DOCK9: variants seen among roughly 807,000 people sequenced by gnomAD.
The protein encoded by DOCK9 is dedicator of cytokinesis protein 9.
DOCK9 carries 89 observed loss-of-function variants against 263.3 expected under a neutral mutation model. That is an observed-to-expected ratio of 0.34 (90% CI 0.28 to 0.40). The LOEUF is 0.40. DOCK9 is among the 10% of genes least tolerant of loss of function. The pLI is 1.00. For missense variants in DOCK9, 2,140 were observed against 2,603.4 expected, an observed-to-expected ratio of 0.82 and a Z score of 3.87; for synonymous variants, 976 against 973.1, an observed-to-expected ratio of 1.00 and a Z score of -0.06.
intron 1 of DOCK9, among the ~76,000 whole-genome samples, chr13:99,041,719 T>C (rs1225363481): frequency 6.6e-6 from 1 of 152,212 alleles, no homozygotes; most frequent in Non-Finnish European, 1.5e-5. Context: ...TTTGCAGATA[T>C]AATGAAGGAT....
chr13:98,933,209 C>A (rs1356025767), intron 2 of DOCK9, among the ~76,000 whole-genome samples: 1 of 152,098 alleles, frequency 6.6e-6, no homozygotes, highest in African/African-American at 2.4e-5. Context: ...TTCATCCTAA[C>A]ATTAAGAAGA....
At chr13:99,039,119 AT>A (rs1888222611) in intron 1 of DOCK9, among the ~76,000 whole-genome samples, 1 of 152,228 alleles carries the variant, frequency 6.6e-6, no homozygotes, top group African/African-American at 2.4e-5. Flanking sequence ...TCTTTTACAG[AT>A]TAATTTTTTA....
At chr13:98,898,954 T>G (rs1430640675) in intron 13 of DOCK9, among the ~76,000 whole-genome samples, 4 of 152,206 alleles carry the variant, frequency 2.6e-5, no homozygotes, top group African/African-American at 9.6e-5. Context: ...AGATAATGCT[T>G]AATTTTTCCA....
chr13:99,053,297 A>C (rs2040785469), intron 1 of DOCK9, among the ~76,000 whole-genome samples: 1 of 152,236 alleles, frequency 6.6e-6, no homozygotes, highest in Non-Finnish European at 1.5e-5. Flanking sequence ...GAGAGCAAAG[A>C]AGATAAATTT....
At chr13:98,991,190 G>C (rs1311020788) in intron 1 of DOCK9, among the ~76,000 whole-genome samples, 1 of 151,858 alleles carries the variant, frequency 6.6e-6, no homozygotes, top group Non-Finnish European at 1.5e-5. Context: ...CTTTGCCTCA[G>C]CCTCCCCAGT....
intron 2 of DOCK9, among the ~76,000 whole-genome samples, chr13:98,938,506 T>C (rs547643321): frequency 1.3e-5 from 2 of 152,254 alleles, no homozygotes; most frequent in South Asian, 2.1e-4. Context: ...AACTAAAACA[T>C]AAAAGGCATC....
At chr13:98,887,143 ATTTTTTTTTTTTT>A (rs58434344) in intron 18 of DOCK9, among the ~76,000 whole-genome samples, 47,140 of 96,654 alleles carry the variant, frequency 0.49, 10,328 homozygotes, top group Non-Finnish European at 0.51. Flanking sequence ...ATATATATAT[ATTTTTTTTTTTTT>A]TTTTTTTTTT....
chr13:98,857,332 A>C (rs1394345570), intron 33 of DOCK9: 2 of 152,256 alleles, frequency 1.3e-5, no homozygotes, highest in African/African-American at 4.8e-5. Flanking sequence ...TTAAAAAATA[A>C]ATAAACAACA....
chr13:99,084,154 G>A (rs1427313853), intron 1 of DOCK9, among the ~76,000 whole-genome samples: 1 of 152,164 alleles, frequency 6.6e-6, no homozygotes, highest in Non-Finnish European at 1.5e-5. Flanking sequence ...AGGTGCACCT[G>A]CTGTGGCTCC....
intron 25 of DOCK9, among the ~76,000 whole-genome samples, chr13:98,881,157 C>A (rs921322506): frequency 2.6e-5 from 4 of 151,878 alleles, no homozygotes; most frequent in African/African-American, 9.7e-5. Flanking sequence ...ACAGAGTCAT[C>A]TAATTTGACT....
chr13:98,867,626 A>G (rs2094067894), intron 29 of DOCK9, 90 bp from the exon 30 acceptor site: 1 of 859,120 alleles, frequency 1.2e-6, no homozygotes. Flanking sequence ...TGCTAGAAAT[A>G]GTCATTAGCT....
rs997793288 is a variant in DOCK9 at position 98,965,968 on chromosome 13, T to C, written c.127-10417A>G. 1.8e-4 allele frequency among the ~76,000 whole-genome samples: 27 copies of C among 152,318 alleles called. No homozygotes were observed. In the South Asian group the frequency reaches 2.1e-3, roughly 12 times the overall value. The stretch of plus-strand genomic sequence containing the variant: ...CAGATTTGACAAATCTGACAAAATC[T>C]GATTTTGTCAAATCAATAGCACCTG... On this transcript the variant is annotated intron_variant, in intron 1 of 52. Coordinates refer to ENST00000682017, the MANE Select transcript of DOCK9 (RefSeq NM_001366683.2).
intron 1 of DOCK9, among the ~76,000 whole-genome samples, chr13:99,041,129 G>T (rs1241683202): frequency 6.6e-6 from 1 of 152,114 alleles, no homozygotes; most frequent in Non-Finnish European, 1.5e-5. Flanking sequence ...ACAGTGGGTA[G>T]AAATAAGACA....
In DOCK9 at chr13:98,831,492, A is replaced by G; in HGVS notation, c.4491T>C (p.Cys1497=). ...TGAGAATCTCGTAACACAGAGCCGC[A>G]CACATGTCCGCTCTCCCTTCATAGA... ...STFYEGRADM[C]AALCYEILKC... is the part of the protein sequence containing the mutation. The change falls in exon 41 of 53, where the codon TGT becomes TGC. Residue 1497 remains cysteine (C), a synonymous_variant. Coordinates refer to ENST00000682017, the MANE Select transcript of DOCK9 (RefSeq NM_001366683.2). 6.3e-7 allele frequency: 1 copy of G among 1,590,694 alleles called. No individual in the cohort carries two copies. The highest frequency in any genetic ancestry group is 8.6e-7 in the Non-Finnish European group (1 of 1,168,046).
chr13:98,880,493 G>C, intron 26 of DOCK9, 54 bp downstream of exon 26: 2 of 1,610,566 alleles, frequency 1.2e-6, no homozygotes, highest in Non-Finnish European at 1.7e-6. Flanking sequence ...AGGCTGTGGA[G>C]TGAATTCCTG....
intron 1 of DOCK9, among the ~76,000 whole-genome samples, chr13:98,962,837 G>A (rs939859960): frequency 6.6e-6 from 1 of 152,110 alleles, no homozygotes; most frequent in African/African-American, 2.4e-5. Context: ...ACTGAGTATT[G>A]CTGTGGTGTG....
chr13:98,980,755 C>T (rs1371655171), upstream of DOCK9, among the ~76,000 whole-genome samples: 5 of 152,280 alleles, frequency 3.3e-5, no homozygotes, highest in East Asian at 5.8e-4. Context: ...CATTACAAAG[C>T]GCTTCAGCAA....
intron 45 of DOCK9, among the ~76,000 whole-genome samples, chr13:98,822,488 T>C (rs1221373938): frequency 1.3e-5 from 2 of 152,196 alleles, no homozygotes; most frequent in Non-Finnish European, 1.5e-5. Context: ...AACAAAATGG[T>C]ACACTCCAGA....
At chr13:98,826,298 A>T (rs74359043) in intron 44 of DOCK9, among the ~76,000 whole-genome samples, 1,605 of 152,310 alleles carry the variant, frequency 0.011, 67 homozygotes, top group Admixed American at 0.075. Context: ...AACCAAAGGG[A>T]AACTGTGAAA....
Sources: allele counts gnomAD v4.1 joint callset (sites outside exome capture counted in the v4.1 genomes callset), GRCh38; gene constraint gnomAD v4.1.1; transcripts MANE v1.5; gene names NCBI Gene and HGNC (gene_info 2026-07-23, HGNC 2026-07-21).